The following ERCC1 variants were observed in gnomAD, a reference collection of about 807,000 sequenced individuals.
ERCC1 encodes the protein ERCC excision repair 1, endonuclease non-catalytic subunit.
Under a neutral mutation model 37.6 loss-of-function variants are expected in ERCC1, and 36 were observed. The observed-to-expected ratio is 0.96, with a 90% confidence interval of 0.73 to 1.26. ERCC1 has a LOEUF of 1.26. ERCC1 is among the 50% of genes most tolerant of loss of function. ERCC1 has a pLI of 0.00. For synonymous variants in ERCC1, 156 were observed against 162.1 expected (o/e 0.96, Z 0.28); for missense variants, 349 against 376.5 (o/e 0.93, Z 0.60).
In ERCC1 at chr19:45,435,653, C is replaced by T. The variant is rs150562887; in HGVS notation, c.-7-12272G>A. ...ATTTTTGTGTAGAGATGGGGTCTCGCTATGTTGCCCAGGCTGCTGATCTCA... is the reference window on the plus strand; with the variant it reads ...ATTTTTGTGTAGAGATGGGGTCTCGTTATGTTGCCCAGGCTGCTGATCTCA... On this transcript the variant is annotated intron_variant, in intron 1 of 8. Transcript: ENST00000423698. Among the ~76,000 whole-genome samples the T allele has an allele frequency of 5.3e-5, 8 of 152,142 alleles. No homozygotes were observed. The East Asian group carries it at 1.5e-3, about 29-fold the overall frequency.
In ERCC1 at chr19:45,421,378, G is replaced by A. The variant is rs867518898; in HGVS notation, c.121C>T (p.Arg41Ter). 11 of 1,572,510 alleles carry A rather than the reference G, an allele frequency of 7.0e-6. No homozygotes were observed. The highest frequency in any genetic ancestry group is 3.6e-4 in the Middle Eastern group (2 of 5,600). ...VPPGVAKPLF[R>*]STQSLPTVDT... ...ACAGTGGGAAGGCTCTGTGTAGATC[G>A]GAATAAGGGCTTGGCCTGTGGGGAG... Residue 41 changes from arginine to a stop codon, truncating the protein, a stop_gained, in exon 3 of 10, where the codon CGA becomes TGA. Coordinates refer to ENST00000300853, the MANE Select transcript of ERCC1 (RefSeq NM_001983.4). LOFTEE classifies it high-confidence loss of function.
At chr19:45,431,420 T>A (rs776302967) in intron 1 of ERCC1, among the ~76,000 whole-genome samples, 1 of 152,156 alleles carries the variant, frequency 6.6e-6, no homozygotes, top group Non-Finnish European at 1.5e-5. Context: ...GGCTCATGCC[T>A]GTAATCCCAG....
intron 1 of ERCC1, among the ~76,000 whole-genome samples, chr19:45,443,091 G>T (rs1975162148): frequency 6.6e-6 from 1 of 152,140 alleles, no homozygotes; most frequent in Non-Finnish European, 1.5e-5. Flanking sequence ...ACAGACCAGG[G>T]ACTCAGGAGC....
chr19:45,421,949 G>A (rs1289650593), intron 2 of ERCC1, among the ~76,000 whole-genome samples: 2 of 151,662 alleles, frequency 1.3e-5, no homozygotes, highest in Admixed American at 1.3e-4. Context: ...CCCTCTTCAG[G>A]GCTGCCCATC....
rs752666450 is a variant in ERCC1, at chr19:45,408,952, G to A, written c.*723C>T. 6.2e-7 allele frequency: 1 copy of A among 1,614,020 alleles called. No homozygotes were observed. The highest frequency in any genetic ancestry group is 1.1e-5 in the South Asian group (1 of 91,088). Reference sequence around the variant, plus strand: ...AAGCCATCCCTCTGCCCCCTACGAAGAAGAGGAAAAAAGAAAAGGGACAGA... The same window carrying A: ...AAGCCATCCCTCTGCCCCCTACGAAAAAGAGGAAAAAAGAAAAGGGACAGA... On this transcript the variant is annotated 3_prime_UTR_variant, in exon 10 of 10. Coordinates refer to ENST00000300853, the MANE Select transcript of ERCC1 (RefSeq NM_001983.4).
At chr19:45,434,179 G>GGAA (rs1402106101) in intron 1 of ERCC1, among the ~76,000 whole-genome samples, 1 of 141,894 alleles carries the variant, frequency 7.0e-6, no homozygotes, top group Non-Finnish European at 1.5e-5. Context: ...AAAAAAAAGA[G>GGAA]GAAGAAGAAG....
At position 45,423,366 on chromosome 19, in the gene ERCC1, A is replaced by T. The variant is rs1236904231; in HGVS notation, c.9T>A (p.Pro3=). The change falls in exon 2 of 10, where the codon CCT becomes CCA. Residue 3 remains proline, a synonymous_variant. Transcript: ENST00000300853. ...GGGGCACCCCCTCTTTGTCCTTCCC[A>T]GGGTCCATCTGGAGCCTGAAAGGGA... MD[P]GKDKEGVPQP... is the part of the protein sequence containing the mutation. The T allele has an allele frequency of 6.2e-7, 1 of 1,612,194 alleles. No individual in the cohort carries two copies. Among genetic ancestry groups the T allele is most frequent in the Non-Finnish European group, 8.5e-7 (1 of 1,179,416 alleles).
chr19:45,423,336 G>C lies in ERCC1; in HGVS notation c.39C>G (p.Pro13=). The C allele has an allele frequency of 6.2e-7, 1 of 1,613,744 alleles. No homozygotes were observed. The highest frequency in any genetic ancestry group is 8.5e-7 in the Non-Finnish European group (1 of 1,179,932). ...ATTTCTTCCTTGCTGGCGGCCCTGA[G>C]GGCTGGGGCACCCCCTCTTTGTCCT... ...PGKDKEGVPQ[P]SGPPARKKFV... Residue 13 remains proline, a synonymous_variant, in exon 2 of 10, where the codon CCC becomes CCG. Transcript: ENST00000300853.
At chr19:45,412,859 C>T (rs975885627) in intron 9 of ERCC1, among the ~76,000 whole-genome samples, 3 of 152,112 alleles carry the variant, frequency 2.0e-5, no homozygotes, top group African/African-American at 7.2e-5. Context: ...CCTGCCTCAG[C>T]CTTCCAAGTA....
At chr19:45,412,138 C>T (rs544772143) in intron 9 of ERCC1, among the ~76,000 whole-genome samples, 1 of 151,890 alleles carries the variant, frequency 6.6e-6, no homozygotes, top group East Asian at 1.9e-4. Flanking sequence ...GGATTACAGG[C>T]GTGAGCCACC....
rs978942310 is a variant in ERCC1, at chr19:45,443,199, C to A, written c.-7-19818G>T. On this transcript the variant is annotated intron_variant, in intron 1 of 8. Coordinates refer to the ERCC1 transcript ENST00000423698. Reference sequence around the variant, plus strand: ...GATTTGTCTAGTGAAGGAGGCCAGGCTCCAAGGAGGTATGGCTGTAGTCAG... The same window carrying A: ...GATTTGTCTAGTGAAGGAGGCCAGGATCCAAGGAGGTATGGCTGTAGTCAG... 3.3e-5 allele frequency among the ~76,000 whole-genome samples: 5 copies of A among 152,226 alleles called. No homozygotes were observed. In the Middle Eastern group the frequency reaches 0.01, roughly 311 times the overall value.
At position 45,449,753 on chromosome 19, in the gene ERCC1, T is replaced by A. The variant is rs148842139; in HGVS notation, c.-7-26372A>T. Among the ~76,000 whole-genome samples the A allele has an allele frequency of 7.1e-3, 1,082 of 151,680 alleles. 11 individuals are homozygous for A. Among genetic ancestry groups the A allele is most frequent in the African/African-American group, 0.024 (982 of 41,292 alleles). On this transcript the variant is annotated intron_variant, in intron 1 of 8. Coordinates refer to the ERCC1 transcript ENST00000423698. Reference sequence around the variant, plus strand: ...GCCGAGGTGAGTGGATTACTGGAGGTCAGGAGTTCAAGACCAGCCTGGCCA... The same window carrying A: ...GCCGAGGTGAGTGGATTACTGGAGGACAGGAGTTCAAGACCAGCCTGGCCA...
At position 45,407,906 on chromosome 19, in the gene ERCC1, T is replaced by A; in HGVS notation, c.*1769A>T. On this transcript the variant is annotated 3_prime_UTR_variant, in exon 10 of 10. Transcript: ENST00000300853. The stretch of plus-strand genomic sequence containing the variant: ...TTGTCTCTACTAAAAATACAAAAAT[T>A]GGCTGGGCGTGGTGGCAGGTGCCTG... 2.3e-6 allele frequency: 1 copy of A among 438,084 alleles called. No homozygotes were observed. Among genetic ancestry groups the A allele is most frequent in the African/African-American group, 2.0e-5 (1 of 50,420 alleles). 27.1% of individuals were successfully genotyped at this position (438,084 alleles called of 1,614,324 possible). A position where few individuals can be genotyped will look rare whatever the true frequency, so the allele number is the denominator to read the frequency against.
At chr19:45,419,332 T>C in intron 4 of ERCC1, 135 bp from the exon 5 acceptor site, 4 of 698,654 alleles carry the variant, frequency 5.7e-6, no homozygotes, top group South Asian at 3.1e-5. Flanking sequence ...CCACAGAGGG[T>C]AAGTCACTTG....
At position 45,409,023 on chromosome 19, in the gene ERCC1, C is replaced by T. The variant is rs775352894; in HGVS notation, c.*652G>A. On this transcript the variant is annotated 3_prime_UTR_variant, in exon 10 of 10. Transcript: ENST00000300853. ...ACGGAGGCGATGGAGCCAGTGGAGC[C>T]GGAGATGAAGCCTCTGGAGTCCCCA... The T allele has an allele frequency of 1.1e-5, 18 of 1,614,040 alleles. No individual in the cohort carries two copies. Among genetic ancestry groups the T allele is most frequent in the East Asian group, 6.7e-5 (3 of 44,866 alleles).
chr19:45,441,959 G>A lies in ERCC1; in HGVS notation c.-7-18578C>T, dbSNP rs919126494. Among the ~76,000 whole-genome samples the A allele has an allele frequency of 3.9e-5, 6 of 152,102 alleles. No homozygotes were observed. The East Asian group carries it at 1.2e-3, about 29-fold the overall frequency. On this transcript the variant is annotated intron_variant, in intron 1 of 8. Coordinates refer to the ERCC1 transcript ENST00000423698. ...GGCCTCCCAAAGTGCTGGGATTACA[G>A]GTGTGAGCCACTGTGCACAGCACTT...
rs756532982 is a variant in ERCC1 at position 45,409,080 on chromosome 19, G to T, written c.*595C>A. On this transcript the variant is annotated 3_prime_UTR_variant, in exon 10 of 10. Coordinates refer to ENST00000300853, the MANE Select transcript of ERCC1 (RefSeq NM_001983.4). The stretch of plus-strand genomic sequence containing the variant: ...ACCATGGCGCCTCAACAGCCAGAAG[G>T]AGCGAAGCCTCAGGCCCAGGCAGCT... 2 of 1,613,742 alleles carry T rather than the reference G, an allele frequency of 1.2e-6. No individual in the cohort carries two copies. Among genetic ancestry groups the T allele is most frequent in the Non-Finnish European group, 1.7e-6 (2 of 1,179,726 alleles).
rs376694674 is a variant in ERCC1 at position 45,407,436 on chromosome 19, TTATAAGAAAC to T, written c.*2229_*2238del. 152 of 556,178 alleles carry T rather than the reference TTATAAGAAAC, an allele frequency of 2.7e-4. 1 individual carries two copies. Among genetic ancestry groups the T allele is most frequent in the Non-Finnish European group, 4.4e-4 (143 of 323,682 alleles). The allele number at this position is 556,178 out of a possible 1,614,324, so 34.5% of individuals were successfully genotyped here. On this transcript the variant is annotated 3_prime_UTR_variant, in exon 10 of 10. Coordinates refer to ENST00000300853, the MANE Select transcript of ERCC1 (RefSeq NM_001983.4). The stretch of plus-strand genomic sequence containing the variant: ...CACAGCCCTTTGTTAGTATTTCTAC[TTATAAGAAAC>T]TATAAGGAACTATAGTTAAACTTGG...
chr19:45,428,520 C>G (rs1599851029), upstream of ERCC1, among the ~76,000 whole-genome samples: 1 of 152,318 alleles, frequency 6.6e-6, no homozygotes, highest in South Asian at 2.1e-4. Flanking sequence ...TCCAAACGCC[C>G]CAAGTTCCAG....
Sources: gnomAD v4.1 joint callset for allele counts (sites outside exome capture counted in the v4.1 genomes callset) on GRCh38, gnomAD v4.1.1 for gene constraint, MANE v1.5 for transcripts, NCBI Gene and HGNC (gene_info 2026-07-23, HGNC 2026-07-21) for gene names.